Variants in MYO5B observed in about 807,000 individuals in gnomAD.
MYO5B encodes the protein myosin VB.
A neutral mutation model predicts 229.3 loss-of-function variants in MYO5B; 143 were observed. The observed-to-expected ratio is 0.62, with a 90% CI of 0.54 to 0.72. MYO5B has a LOEUF of 0.72. Among genes scored for constraint, MYO5B ranks in the 30% least tolerant of loss-of-function variants. The pLI, the probability that MYO5B is intolerant of heterozygous loss-of-function variation, is 0.00. For missense variants in MYO5B, 2,321 were observed against 2,331.0 expected (o/e 1.00, Z 0.09); for synonymous variants, 918 against 885.2 (o/e 1.04, Z -0.66).
Position 49,836,727 on chromosome 18 carries a change from G to A in MYO5B, c.5297C>T (p.Ser1766Phe), listed in dbSNP as rs867719821. 13 of 1,614,004 alleles carry A rather than the reference G, an allele frequency of 8.1e-6. No homozygotes were observed. The highest frequency in any genetic ancestry group is 1.6e-4 in the Middle Eastern group (1 of 6,080). Reference sequence around the variant, plus strand: ...TGACTGTACCTGCTGGGTGCTGAGGGAGGTACACAGGGAGCAGATAGCCTC... The same window carrying A: ...TGACTGTACCTGCTGGGTGCTGAGGAAGGTACACAGGGAGCAGATAGCCTC... ...DAEAICSLCT[S>F]LSTQQIVKIL... Residue 1766 changes from serine (S) to phenylalanine (F), a missense_variant, in exon 38 of 40, where the codon TCC becomes TTC. By Grantham distance (155) the Ser-to-Phe change is radical. Coordinates refer to ENST00000285039, the MANE Select transcript of MYO5B (RefSeq NM_001080467.3).
intron 16 of MYO5B, among the ~76,000 whole-genome samples, chr18:49,935,981 T>C (rs2025245104): frequency 6.6e-6 from 1 of 152,228 alleles, no homozygotes; most frequent in Non-Finnish European, 1.5e-5. Context: ...TGGCTACATT[T>C]AACGTTCTCT....
At chr18:50,118,409 A>G (rs947875506) in intron 1 of MYO5B, among the ~76,000 whole-genome samples, 1 of 152,240 alleles carries the variant, frequency 6.6e-6, no homozygotes, top group Admixed American at 6.5e-5. Flanking sequence ...AGAGCACTCA[A>G]TTAAGAGCTA....
At chr18:50,189,943 T>C (rs1055550244) in intron 1 of MYO5B, among the ~76,000 whole-genome samples, 17 of 152,134 alleles carry the variant, frequency 1.1e-4, no homozygotes, top group African/African-American at 3.9e-4. Context: ...AAAGCTGCCA[T>C]ACATATGGTG....
At chr18:50,025,982 C>T (rs745755771) in intron 4 of MYO5B, among the ~76,000 whole-genome samples, 1 of 152,196 alleles carries the variant, frequency 6.6e-6, no homozygotes, top group Non-Finnish European at 1.5e-5. Context: ...TAGTATAAAA[C>T]ATATACAAAT....
intron 32 of MYO5B, 104 bp downstream of exon 32, chr18:49,849,463 G>T: frequency 1.1e-6 from 1 of 875,568 alleles, no homozygotes; most frequent in Non-Finnish European, 2.0e-6. Flanking sequence ...CAAGAAATCA[G>T]TGATGTAGGA....
intron 22 of MYO5B, among the ~76,000 whole-genome samples, chr18:49,885,736 C>A (rs1461199362): frequency 6.6e-6 from 1 of 152,090 alleles, no homozygotes; most frequent in South Asian, 2.1e-4. Context: ...CACACTGGAG[C>A]TAAGGATTGG....
chr18:50,035,016 C>T (rs1393913956), intron 4 of MYO5B, among the ~76,000 whole-genome samples: 3 of 152,142 alleles, frequency 2.0e-5, no homozygotes, highest in African/African-American at 7.2e-5. Flanking sequence ...ACCCATCACC[C>T]CAGACTCCCA....
chr18:50,073,059 T>G (rs1323771580), intron 1 of MYO5B, among the ~76,000 whole-genome samples: 2 of 152,232 alleles, frequency 1.3e-5, no homozygotes, highest in Non-Finnish European at 2.9e-5. Flanking sequence ...GACTCTCACC[T>G]AATCCTTCAC....
At chr18:50,057,361 T>C (rs542905552) in intron 1 of MYO5B, among the ~76,000 whole-genome samples, 1 of 152,140 alleles carries the variant, frequency 6.6e-6, no homozygotes, top group Admixed American at 6.5e-5. Context: ...TAAAGCAAAG[T>C]CTCCACTCCA....
intron 1 of MYO5B, among the ~76,000 whole-genome samples, chr18:50,077,502 A>AACACACAC (rs60086500): frequency 0.12 from 16,344 of 133,320 alleles, 1,065 homozygotes; most frequent in Non-Finnish European, 0.17. Flanking sequence ...CACACACACA[A>AACACACAC]ACACACACAC....
chr18:49,887,337 A>G (rs1787544), intron 22 of MYO5B, among the ~76,000 whole-genome samples: 89,516 of 151,790 alleles, frequency 0.59, 26,580 homozygotes, highest in Middle Eastern at 0.67. Context: ...AAAGGATGGC[A>G]AGGGGTCTTG....
chr18:49,927,114 T>C (rs892318897), intron 17 of MYO5B, among the ~76,000 whole-genome samples: 1 of 152,168 alleles, frequency 6.6e-6, no homozygotes, highest in African/African-American at 2.4e-5. Context: ...ATAAGGAATG[T>C]ACTTAATACC....
chr18:50,061,632 T>TA (rs1259956433), intron 1 of MYO5B, among the ~76,000 whole-genome samples: 1 of 152,170 alleles, frequency 6.6e-6, no homozygotes, highest in Non-Finnish European at 1.5e-5. Flanking sequence ...TTCAGATCTT[T>TA]AAAAAACAAA....
chr18:50,178,605 C>G (rs1416473767), intron 1 of MYO5B, among the ~76,000 whole-genome samples: 1 of 152,120 alleles, frequency 6.6e-6, no homozygotes, highest in African/African-American at 2.4e-5. Context: ...CAGTTATAAC[C>G]TAAATAATTT....
chr18:49,999,440 A>C (rs2026022884), intron 5 of MYO5B, among the ~76,000 whole-genome samples: 1 of 152,260 alleles, frequency 6.6e-6, no homozygotes, highest in Admixed American at 6.5e-5. Context: ...ATGCTGGAGT[A>C]AATATGCTAC....
intron 22 of MYO5B, among the ~76,000 whole-genome samples, chr18:49,883,823 T>C (rs555327559): frequency 2.6e-5 from 4 of 152,352 alleles, no homozygotes; most frequent in African/African-American, 4.8e-5. Context: ...TGACAGTCAA[T>C]TGATTTTTGA....
At chr18:49,885,599 G>A (rs2024633689) in intron 22 of MYO5B, among the ~76,000 whole-genome samples, 1 of 152,128 alleles carries the variant, frequency 6.6e-6, no homozygotes, top group Non-Finnish European at 1.5e-5. Context: ...TGGTTACAAT[G>A]CTTAAATGCC....
At chr18:49,997,441 G>A (rs2026002418) in intron 5 of MYO5B, among the ~76,000 whole-genome samples, 1 of 120,520 alleles carries the variant, frequency 8.3e-6, no homozygotes, top group Non-Finnish European at 1.6e-5. Flanking sequence ...GCAATGGCAT[G>A]ATCTCGTCTC....
At chr18:49,830,171 A>ACACAC (rs1568600105) in intron 39 of MYO5B, among the ~76,000 whole-genome samples, 2 of 150,640 alleles carry the variant, frequency 1.3e-5, no homozygotes, top group African/African-American at 4.9e-5. Flanking sequence ...ACACACACAC[A>ACACAC]AATATTGCTA....
Sources: allele counts gnomAD v4.1 joint callset (sites outside exome capture counted in the v4.1 genomes callset), GRCh38; gene constraint gnomAD v4.1.1; transcripts MANE v1.5; gene names NCBI Gene and HGNC (gene_info 2026-07-23, HGNC 2026-07-21).